PLCZ1: variants seen among roughly 807,000 people sequenced by gnomAD.
PLCZ1 encodes the protein 1-phosphatidylinositol 4,5-bisphosphate phosphodiesterase zeta-1.
Under a neutral mutation model 76.8 loss-of-function variants are expected in PLCZ1, and 64 were observed. The observed-to-expected ratio is 0.83, with a 90% CI of 0.68 to 1.03. The LOEUF is 1.03. PLCZ1 is among the 50% of genes least tolerant of loss of function. The pLI, the probability that PLCZ1 is intolerant of heterozygous loss-of-function variation, is 0.00. For missense variants in PLCZ1, 751 were observed against 713.7 expected, an observed-to-expected ratio of 1.05 and a Z score of -0.60; for synonymous variants, 248 against 230.8, an observed-to-expected ratio of 1.07 and a Z score of -0.68.
chr12:18,658,621 T>C, the PLCZ1 span, among the ~76,000 whole-genome samples: 1 of 152,186 alleles, frequency 6.6e-6, no homozygotes, highest in East Asian at 1.9e-4. Context: ...TAATAGAAAA[T>C]CAATATTTTA....
intron 7 of PLCZ1, among the ~76,000 whole-genome samples, chr12:18,704,959 G>GTA (rs979189743): frequency 5.9e-5 from 9 of 151,884 alleles, no homozygotes; most frequent in South Asian, 2.1e-4. Flanking sequence ...TGGGTTGTAT[G>GTA]TATATATATA....
chr12:18,699,657 C>A, intron 10 of PLCZ1, 137 bp downstream of exon 10: 1 of 923,462 alleles, frequency 1.1e-6, no homozygotes, highest in Non-Finnish European at 1.7e-6. Context: ...GGTATGTAAC[C>A]CCATTCTAAA....
At chr12:18,682,135 T>G (rs990678766), downstream of PLCZ1, among the ~76,000 whole-genome samples, 6 of 152,082 alleles carry the variant, frequency 3.9e-5, no homozygotes, top group Non-Finnish European at 7.4e-5. Context: ...AACTGGAAGA[T>G]TGTGCACTTA....
the PLCZ1 span, among the ~76,000 whole-genome samples, chr12:18,672,301 C>T: frequency 1.3e-5 from 2 of 152,008 alleles, no homozygotes; most frequent in African/African-American, 2.4e-5. Context: ...ATTACTCAGT[C>T]GTCATTGCTC....
At chr12:18,653,990 G>C in the PLCZ1 span, among the ~76,000 whole-genome samples, 1 of 152,094 alleles carries the variant, frequency 6.6e-6, no homozygotes, top group East Asian at 1.9e-4. Flanking sequence ...AACTTGAGTA[G>C]CTTAAAAAAG....
intron 3 of PLCZ1, among the ~76,000 whole-genome samples, chr12:18,725,476 A>T (rs1352185374): frequency 6.6e-6 from 1 of 152,140 alleles, no homozygotes; most frequent in African/African-American, 2.4e-5. Flanking sequence ...CCAGAGGAGC[A>T]GCTGGAAGAA....
At chr12:18,710,248 T>C (rs1156959736) in intron 6 of PLCZ1, among the ~76,000 whole-genome samples, 1 of 150,444 alleles carries the variant, frequency 6.6e-6, no homozygotes, top group Non-Finnish European at 1.5e-5. Flanking sequence ...CTTTGAATTT[T>C]AAGACTGTCA....
intron 5 of PLCZ1, among the ~76,000 whole-genome samples, chr12:18,715,287 C>T (rs1957845143): frequency 6.7e-6 from 1 of 149,130 alleles, no homozygotes; most frequent in Non-Finnish European, 1.5e-5. Flanking sequence ...GGAAGTAAGG[C>T]TTTAGAGAGA....
At chr12:18,686,442 C>T (rs984633516) in intron 13 of PLCZ1, among the ~76,000 whole-genome samples, 1 of 152,058 alleles carries the variant, frequency 6.6e-6, no homozygotes, top group African/African-American at 2.4e-5. Context: ...ACCCTATATT[C>T]CACCCATCTT....
At chr12:18,732,175 A>C (rs1197869033) in intron 3 of PLCZ1, among the ~76,000 whole-genome samples, 1 of 151,960 alleles carries the variant, frequency 6.6e-6, no homozygotes, top group African/African-American at 2.4e-5. Flanking sequence ...TTTTCCCCAC[A>C]GGGTCTCTCT....
chr12:18,706,164 G>T (rs1182746525), intron 6 of PLCZ1, among the ~76,000 whole-genome samples: 1 of 150,420 alleles, frequency 6.6e-6, no homozygotes, highest in Non-Finnish European at 1.5e-5. Context: ...ACCGGGAGGT[G>T]GAGGTTGCAG....
At chr12:18,693,811 C>A (rs60791323) in intron 12 of PLCZ1, 206,368 of 1,506,628 alleles carry the variant, frequency 0.14, 15,776 homozygotes, top group African/African-American at 0.21. Context: ...TCAGACCAGG[C>A]CGCATTGGCA....
chr12:18,726,363 A>T (rs1958751938), intron 3 of PLCZ1, among the ~76,000 whole-genome samples: 1 of 152,156 alleles, frequency 6.6e-6, no homozygotes, highest in Non-Finnish European at 1.5e-5. Flanking sequence ...TTCTTTGCAA[A>T]GCATTACAAA....
the PLCZ1 span, among the ~76,000 whole-genome samples, chr12:18,658,043 A>G: frequency 6.6e-6 from 1 of 152,164 alleles, no homozygotes; most frequent in African/African-American, 2.4e-5. Context: ...AAAAATTATA[A>G]CAACTGAAAT....
At chr12:18,673,944 T>C in the PLCZ1 span, among the ~76,000 whole-genome samples, 3 of 152,174 alleles carry the variant, frequency 2.0e-5, no homozygotes, top group Admixed American at 6.5e-5. Flanking sequence ...ACTAGCAAGA[T>C]GGAAGTCACA....
At chr12:18,732,352 A>G (rs1565743360) in intron 3 of PLCZ1, among the ~76,000 whole-genome samples, 3 of 152,104 alleles carry the variant, frequency 2.0e-5, no homozygotes, top group South Asian at 2.1e-4. Context: ...GAGTTTCACC[A>G]TGTTGTACAG....
chr12:18,651,833 G>A, the PLCZ1 span, among the ~76,000 whole-genome samples: 4 of 152,246 alleles, frequency 2.6e-5, no homozygotes, highest in East Asian at 7.7e-4. Flanking sequence ...ACATATGCAT[G>A]AGGCAACCAC....
At position 18,688,196 on chromosome 12, in the gene PLCZ1, G is replaced by A. The variant is rs761033704; in HGVS notation, c.1484C>T (p.Pro495Leu). The A allele has an allele frequency of 6.2e-7, 1 of 1,610,010 alleles. No homozygotes were observed. The highest frequency in any genetic ancestry group is 8.5e-7 in the Non-Finnish European group (1 of 1,178,280). The change falls in exon 13 of 15, where the codon CCT becomes CTT. Residue 495 changes from proline to leucine, a missense_variant. By Grantham distance (98) the Pro-to-Leu change is moderately conservative. Transcript: ENST00000266505. ...TTTGTTAGATGATGAATGAGTAAGAGGCAACTGGATACCACTGATGAGCTG... is the reference window on the plus strand; with the variant it reads ...TTTGTTAGATGATGAATGAGTAAGAAGCAACTGGATACCACTGATGAGCTG... ...TIRLISGIQL[P>L]LTHSSSNKGD...
the PLCZ1 span, among the ~76,000 whole-genome samples, chr12:18,670,267 A>C: frequency 6.6e-6 from 1 of 152,106 alleles, no homozygotes; most frequent in Non-Finnish European, 1.5e-5. Context: ...ACATTTCTCC[A>C]CAATTACAGA....
Sources: allele counts gnomAD v4.1 joint callset (sites outside exome capture counted in the v4.1 genomes callset), GRCh38; gene constraint gnomAD v4.1.1; transcripts MANE v1.5; gene names NCBI Gene and HGNC (gene_info 2026-07-23, HGNC 2026-07-21).